The following PALD1 variants were observed in gnomAD, a reference collection of about 807,000 sequenced individuals.
PALD1 encodes the protein phosphatase domain containing paladin 1.
PALD1 carries 57 observed loss-of-function variants against 96.0 expected under a neutral mutation model. That is an observed-to-expected ratio of 0.59 (90% CI 0.48 to 0.74). PALD1 has a LOEUF of 0.74. Among genes scored for constraint, PALD1 ranks in the 30% least tolerant of loss-of-function variants. The probability of loss-of-function intolerance (pLI) is 0.00; values close to 1 mark genes in which losing one functional copy is unlikely to be tolerated. For missense variants in PALD1, 1,063 were observed against 1,143.7 expected (o/e 0.93, Z 1.02); for synonymous variants, 464 against 473.6 (o/e 0.98, Z 0.26).
intron 18 of PALD1, among the ~76,000 whole-genome samples, chr10:70,552,522 C>T (rs59867922): frequency 0.046 from 6,976 of 152,170 alleles, 513 homozygotes; most frequent in African/African-American, 0.15. Context: ...GCATAATTTC[C>T]TCAGCCCTCA....
intron 2 of PALD1, 30 bp from the exon 3 acceptor site, chr10:70,529,199 T>C (rs1166067519): frequency 1.6e-6 from 1 of 635,954 alleles, no homozygotes; most frequent in Non-Finnish European, 2.6e-6. Flanking sequence ...TTGACTCAGT[T>C]TCCATTCTGC....
chr10:70,478,800 G>C lies in PALD1; in HGVS notation c.-289G>C, dbSNP rs1845872426. 1 of 151,490 alleles carries C rather than the reference G, an allele frequency of 6.6e-6. No individual in the cohort carries two copies. Among genetic ancestry groups the C allele is most frequent in the Admixed American group, 6.6e-5 (1 of 15,196 alleles). The allele number at this position is 151,490 out of a possible 1,614,324, so 9.4% of individuals were successfully genotyped here. A position where few individuals can be genotyped will look rare whatever the true frequency, so the allele number is the denominator to read the frequency against. ...GTAGCGGGGCGCTGGGGAGCAGCGC[G>C]GCGCGCACGGGCCGGGGCGCGCAGG... On this transcript the variant is annotated 5_prime_UTR_variant, in exon 1 of 20. Transcript: ENST00000263563.
chr10:70,484,641 C>G (rs1276128721), intron 1 of PALD1, among the ~76,000 whole-genome samples: 1 of 151,878 alleles, frequency 6.6e-6, no homozygotes, highest in Non-Finnish European at 1.5e-5. Context: ...CGGGTTCAAG[C>G]GATTCTCCTG....
At chr10:70,554,581 C>G (rs985159195) in intron 18 of PALD1, among the ~76,000 whole-genome samples, 1 of 152,154 alleles carries the variant, frequency 6.6e-6, no homozygotes, top group African/African-American at 2.4e-5. Context: ...GGCGGTGACA[C>G]CCGCAGCAGA....
At chr10:70,527,495 C>T (rs1049761965) in intron 2 of PALD1, among the ~76,000 whole-genome samples, 9 of 152,192 alleles carry the variant, frequency 5.9e-5, no homozygotes, top group African/African-American at 2.2e-4. Flanking sequence ...CTTCCTTTCA[C>T]TTACATAGTA....
At chr10:70,512,658 A>C (rs1846535794) in intron 1 of PALD1, among the ~76,000 whole-genome samples, 1 of 152,256 alleles carries the variant, frequency 6.6e-6, no homozygotes, top group Admixed American at 6.5e-5. Context: ...GCTTGGGAAA[A>C]GTAAGGAAGC....
rs771960306 is a variant in PALD1, at chr10:70,537,816, C to T, written c.1233C>T (p.Ser411=). The T allele has an allele frequency of 4.9e-5, 79 of 1,611,088 alleles. No individual in the cohort carries two copies. In the Admixed American group the frequency reaches 7.2e-4, roughly 15 times the overall value. The change falls in exon 11 of 20, where the codon AGC becomes AGT. Residue 411 remains serine, a synonymous_variant. Coordinates refer to ENST00000263563, the MANE Select transcript of PALD1 (RefSeq NM_014431.3). ...CACCCTGTCCTCTCTCTCAGGGAAG[C>T]GGCAGCCGACACAGCGTCTGGCAGA... ...GIRPESPAQG[S]GSRHSVWQRA... is the part of the protein sequence containing the mutation.
intron 17 of PALD1, 111 bp from the exon 18 acceptor site, chr10:70,547,193 CAG>C: frequency 1.1e-6 from 1 of 908,784 alleles, no homozygotes. Flanking sequence ...GCTCTCTGTT[CAG>C]CGCCTGGGCC....
At chr10:70,499,993 G>T (rs1377413130) in intron 1 of PALD1, among the ~76,000 whole-genome samples, 1 of 152,170 alleles carries the variant, frequency 6.6e-6, no homozygotes, top group Non-Finnish European at 1.5e-5. Context: ...GGTTTTCTCA[G>T]TTAGTCCTCA....
chr10:70,505,143 TTC>T (rs761388880), intron 1 of PALD1, among the ~76,000 whole-genome samples: 6 of 152,226 alleles, frequency 3.9e-5, no homozygotes, highest in Non-Finnish European at 7.3e-5. Context: ...AGAAAAATCT[TTC>T]TGTTTTCAGC....
intron 1 of PALD1, among the ~76,000 whole-genome samples, chr10:70,487,059 G>A (rs1272863599): frequency 6.6e-6 from 1 of 152,026 alleles, no homozygotes; most frequent in South Asian, 2.1e-4. Flanking sequence ...GCTCCAGGGG[G>A]CTCTGAGCTG....
chr10:70,508,079 A>AT (rs1385901896), intron 1 of PALD1, among the ~76,000 whole-genome samples: 1 of 152,134 alleles, frequency 6.6e-6, no homozygotes, highest in Non-Finnish European at 1.5e-5. Context: ...GGAATGAGTG[A>AT]TTGGGGGGCT....
rs746686132 is a variant in PALD1, at chr10:70,529,907, C to T, written c.307C>T (p.Arg103Trp). Residue 103 changes from arginine (R) to tryptophan (W), a missense_variant, in exon 4 of 20, where the codon CGG becomes TGG. Coordinates refer to ENST00000263563, the MANE Select transcript of PALD1 (RefSeq NM_014431.3). ...CTGCCAGGGCCGCTACTTCCTGGTG[C>T]GGGATGTCACTGAGAAGATGGATGT... ...YLVQGRYFLV[R>W]DVTEKMDVLG... The T allele has an allele frequency of 1.4e-5, 22 of 1,613,638 alleles. 1 individual carries two copies. Among genetic ancestry groups the T allele is most frequent in the East Asian group, 4.5e-5 (2 of 44,846 alleles).
chr10:70,500,304 C>A (rs1846269825), intron 1 of PALD1, among the ~76,000 whole-genome samples: 1 of 152,162 alleles, frequency 6.6e-6, no homozygotes, highest in South Asian at 2.1e-4. Context: ...CTCCTCCCTG[C>A]AGCCCCACTA....
intron 18 of PALD1, among the ~76,000 whole-genome samples, chr10:70,557,442 T>C (rs1375542887): frequency 2.0e-5 from 3 of 152,196 alleles, no homozygotes; most frequent in Non-Finnish European, 4.4e-5. Flanking sequence ...TCTGTTGAAC[T>C]CACAGCATGC....
intron 1 of PALD1, among the ~76,000 whole-genome samples, chr10:70,521,121 G>A (rs911580427): frequency 6.6e-6 from 1 of 152,180 alleles, no homozygotes; most frequent in African/African-American, 2.4e-5. Context: ...GGCTTCCATG[G>A]GTGAGATGGG....
the PALD1 span, among the ~76,000 whole-genome samples, chr10:70,470,484 G>A: frequency 7.1e-6 from 1 of 140,226 alleles, no homozygotes; most frequent in East Asian, 2.1e-4. Context: ...CAGCCTTCCA[G>A]AGGTTGACTG....
At chr10:70,507,073 ATCTT>A (rs975407815) in intron 1 of PALD1, among the ~76,000 whole-genome samples, 18 of 152,204 alleles carry the variant, frequency 1.2e-4, no homozygotes, top group African/African-American at 3.8e-4. Context: ...TAAAAAAATT[ATCTT>A]TCTATTAAAA....
intron 18 of PALD1, among the ~76,000 whole-genome samples, chr10:70,551,544 G>A (rs10999387): frequency 0.12 from 17,842 of 152,160 alleles, 1,334 homozygotes; most frequent in South Asian, 0.18. Flanking sequence ...GTCCACTTGG[G>A]ATCCTGAAAT....
Sources: gnomAD v4.1 joint callset for allele counts (sites outside exome capture counted in the v4.1 genomes callset) on GRCh38, gnomAD v4.1.1 for gene constraint, MANE v1.5 for transcripts, NCBI Gene and HGNC (gene_info 2026-07-23, HGNC 2026-07-21) for gene names.